The following GABRA2 variants were observed in gnomAD, a reference collection of about 807,000 sequenced individuals.
GABRA2 encodes the protein gamma-aminobutyric acid receptor subunit alpha-2.
In GABRA2, 16 loss-of-function variants were observed where a neutral mutation model predicts 48.7. The observed-to-expected ratio is 0.33, with a 90% CI of 0.22 to 0.50. GABRA2 has a LOEUF of 0.50. Ranked by LOEUF, GABRA2 falls within the 20% of genes least tolerant of loss-of-function variation. The probability of loss-of-function intolerance (pLI) is 0.98; values close to 1 mark genes in which losing one functional copy is unlikely to be tolerated. For missense variants in GABRA2, 275 were observed against 535.6 expected (o/e 0.51, Z 4.80); for synonymous variants, 185 against 184.5 (o/e 1.00, Z -0.02).
chr4:46,388,688 T>C lies in GABRA2; in HGVS notation c.19A>G (p.Ile7Val), dbSNP rs371482725. Residue 7 changes from isoleucine (I) to valine (V), a missense_variant, in exon 2 of 10, where the codon ATC becomes GTC. Transcript: ENST00000381620. MKTKLNIYNMQFLLFVF... is the reference protein window; with the variant it reads MKTKLNVYNMQFLLFVF... Reference sequence around the variant, plus strand: ...AAAAGCAGGAACTGCATGTTGTAGATGTTCAATTTTGTCTTCATCACCGCC... The same window carrying C: ...AAAAGCAGGAACTGCATGTTGTAGACGTTCAATTTTGTCTTCATCACCGCC... The C allele has an allele frequency of 2.7e-5, 43 of 1,614,038 alleles. No individual in the cohort carries two copies. The East Asian group carries it at 5.3e-4, about 20-fold the overall frequency.
chr4:46,303,725 A>T, intron 7 of GABRA2, 113 bp from the exon 8 acceptor site: 1 of 817,332 alleles, frequency 1.2e-6, no homozygotes, highest in Non-Finnish European at 1.9e-6. Context: ...ATAATATATC[A>T]CATACATGTC....
intron 8 of GABRA2, among the ~76,000 whole-genome samples, chr4:46,291,101 A>G (rs1723536277): frequency 6.6e-6 from 1 of 152,158 alleles, no homozygotes; most frequent in Non-Finnish European, 1.5e-5. Context: ...ACACAGAATG[A>G]GTTAGGAAGT....
intron 3 of GABRA2, among the ~76,000 whole-genome samples, chr4:46,337,963 C>A (rs906636491): frequency 6.6e-6 from 1 of 151,762 alleles, no homozygotes; most frequent in Non-Finnish European, 1.5e-5. Context: ...CAATAGCAAG[C>A]AAACTTTCCA....
rs188868797 is a variant in GABRA2, at chr4:46,340,471, T to A, written c.188-7789A>T. Among the ~76,000 whole-genome samples, 663 of 148,176 alleles carry A rather than the reference T, an allele frequency of 4.5e-3. 3 individuals carry two copies. Among genetic ancestry groups the A allele is most frequent in the African/African-American group, 0.015 (613 of 41,326 alleles). On this transcript the variant is annotated intron_variant, in intron 3 of 9. Coordinates refer to ENST00000381620, the MANE Select transcript of GABRA2 (RefSeq NM_000807.4). ...AAAATTTTATTATAAATTAAATCCC[T>A]TCTATTCTATTCTATTCCAAATTTA...
At chr4:46,383,640 T>C (rs999716751) in intron 3 of GABRA2, among the ~76,000 whole-genome samples, 12 of 152,114 alleles carry the variant, frequency 7.9e-5, no homozygotes, top group African/African-American at 2.9e-4. Flanking sequence ...CCAGGAGACA[T>C]AGTGCCAGTG....
At chr4:46,305,742 AT>A (rs1726576924) in intron 6 of GABRA2, 31 bp from the exon 7 acceptor site, 4 of 1,537,642 alleles carry the variant, frequency 2.6e-6, no homozygotes, top group Non-Finnish European at 2.7e-6. Context: ...TATTTTAAGC[AT>A]TTTAGTAAGA....
chr4:46,279,415 T>G (rs1721090959), intron 8 of GABRA2, among the ~76,000 whole-genome samples: 2 of 152,178 alleles, frequency 1.3e-5, no homozygotes, highest in South Asian at 4.1e-4. Context: ...ACTTACTTAT[T>G]GTCTCACACC....
At position 46,303,311 on chromosome 4, in the gene GABRA2, C is replaced by A. The variant is rs139935995; in HGVS notation, c.856+149G>T. 4,254 of 703,048 alleles carry A rather than the reference C, an allele frequency of 6.1e-3. 18 individuals are homozygous for A. The highest frequency in any genetic ancestry group is 8.6e-3 in the Non-Finnish European group (3,449 of 402,654). The allele number at this position is 703,048 out of a possible 1,614,324, so 43.6% of individuals were successfully genotyped here. A position where few individuals can be genotyped will look rare whatever the true frequency, so the allele number is the denominator to read the frequency against. On this transcript the variant is annotated intron_variant, in intron 8 of 9. Transcript: ENST00000381620. ...AACAGTGTAGCACTATGTTACCACT[C>A]TGAGCCTACTTCTTCACCTATAAGG... is the stretch of plus-strand genomic sequence containing the variant.
chr4:46,287,931 A>G (rs1722870372), intron 8 of GABRA2, among the ~76,000 whole-genome samples: 1 of 152,206 alleles, frequency 6.6e-6, no homozygotes. Flanking sequence ...AGGCCTCACA[A>G]TCATGGTGGA....
chr4:46,356,072 A>AAT (rs1262334232), intron 3 of GABRA2, among the ~76,000 whole-genome samples: 6 of 152,172 alleles, frequency 3.9e-5, no homozygotes, highest in African/African-American at 1.4e-4. Flanking sequence ...ACCCCCTGTT[A>AAT]ATCATTAAGG....
chr4:46,331,587 G>T (rs1731373279), intron 4 of GABRA2, among the ~76,000 whole-genome samples: 1 of 152,114 alleles, frequency 6.6e-6, no homozygotes, highest in Non-Finnish European at 1.5e-5. Flanking sequence ...GTCTATTACA[G>T]AGCACCATAG....
intron 9 of GABRA2, chr4:46,261,138 C>CA (rs1260924411): frequency 5.9e-5 from 9 of 151,946 alleles, no homozygotes; most frequent in Non-Finnish European, 8.8e-5. Context: ...ACATAATCTA[C>CA]AGAGTATGAA....
At chr4:46,317,066 G>A (rs1477616802) in intron 4 of GABRA2, among the ~76,000 whole-genome samples, 1 of 151,878 alleles carries the variant, frequency 6.6e-6, no homozygotes, top group African/African-American at 2.4e-5. Flanking sequence ...TATAGGAAGG[G>A]GTAAAGAACT....
At chr4:46,318,913 T>C (rs1175203976) in intron 4 of GABRA2, among the ~76,000 whole-genome samples, 1 of 151,644 alleles carries the variant, frequency 6.6e-6, no homozygotes, top group Non-Finnish European at 1.5e-5. Flanking sequence ...CAAAAATTCC[T>C]TACAGGAAAT....
chr4:46,281,520 T>G (rs1003803375), intron 8 of GABRA2, among the ~76,000 whole-genome samples: 1 of 152,096 alleles, frequency 6.6e-6, no homozygotes, highest in Non-Finnish European at 1.5e-5. Flanking sequence ...ATGAGGAAAT[T>G]AAATTATCTC....
At chr4:46,336,557 C>A (rs1560544643) in intron 3 of GABRA2, among the ~76,000 whole-genome samples, 1 of 152,022 alleles carries the variant, frequency 6.6e-6, no homozygotes, top group Non-Finnish European at 1.5e-5. Flanking sequence ...GAGTAATATG[C>A]AAAAGTAAGA....
At position 46,249,524 on chromosome 4, in the gene GABRA2, A is replaced by G. The variant is rs200827830; in HGVS notation, c.*784T>C. The G allele has an allele frequency of 2.0e-5, 3 of 151,240 alleles. No individual in the cohort carries two copies. The highest frequency in any genetic ancestry group is 4.4e-5 in the Non-Finnish European group (3 of 67,596). 9.4% of individuals were successfully genotyped at this position (151,240 alleles called of 1,614,324 possible). A position where few individuals can be genotyped will look rare whatever the true frequency, so the allele number is the denominator to read the frequency against. ...TTTAGCTGATCAATTTCAATACAAC[A>G]CATACCTGGAAATGTTAAGACACAT... On this transcript the variant is annotated 3_prime_UTR_variant, in exon 10 of 10. Transcript: ENST00000381620.
chr4:46,332,516 A>G (rs1731537823), intron 4 of GABRA2, 99 bp downstream of exon 4: 2 of 721,800 alleles, frequency 2.8e-6, no homozygotes, highest in Non-Finnish European at 5.0e-6. Context: ...GACATGAGAC[A>G]TATACATAAT....
At chr4:46,263,444 A>T (rs1717453177) in intron 8 of GABRA2, among the ~76,000 whole-genome samples, 1 of 151,910 alleles carries the variant, frequency 6.6e-6, no homozygotes, top group African/African-American at 2.4e-5. Flanking sequence ...ATTCTTTTGC[A>T]CCTAGATCGC....
Sources: gnomAD v4.1 joint callset for allele counts (sites outside exome capture counted in the v4.1 genomes callset) on GRCh38, gnomAD v4.1.1 for gene constraint, MANE v1.5 for transcripts, NCBI Gene and HGNC (gene_info 2026-07-23, HGNC 2026-07-21) for gene names.